The following TRAPPC8 variants were observed in gnomAD, a reference collection of about 807,000 sequenced individuals.
TRAPPC8 encodes trafficking protein particle complex subunit 8, also known as general sporulation gene 1 homolog.
Under a neutral mutation model 174.3 loss-of-function variants are expected in TRAPPC8, and 54 were observed. The ratio of observed to expected loss-of-function variants is 0.31; its 90% CI spans 0.25 to 0.39. The LOEUF is 0.39. Ranked by LOEUF, TRAPPC8 falls within the 10% of genes least tolerant of loss-of-function variation. TRAPPC8 has a pLI of 1.00. For missense variants in TRAPPC8, 1,531 were observed against 1,699.1 expected (o/e 0.90, Z 1.74); for synonymous variants, 630 against 579.9 (o/e 1.09, Z -1.24).
chr18:31,940,787 G>A (rs982439900), intron 1 of TRAPPC8, among the ~76,000 whole-genome samples: 2 of 152,026 alleles, frequency 1.3e-5, no homozygotes. Flanking sequence ...GTGAGCCACC[G>A]CGCCCGGCCG....
chr18:31,862,324 G>A (rs1165478307), intron 19 of TRAPPC8, among the ~76,000 whole-genome samples: 1 of 151,008 alleles, frequency 6.6e-6, no homozygotes, highest in African/African-American at 2.4e-5. Flanking sequence ...TTATAAAAGG[G>A]ACTTGGCTTG....
intron 26 of TRAPPC8, among the ~76,000 whole-genome samples, chr18:31,843,623 T>A (rs2033229565): frequency 6.6e-6 from 1 of 152,218 alleles, no homozygotes; most frequent in South Asian, 2.1e-4. Flanking sequence ...GGTTTCTTAA[T>A]GCAGTGGAAT....
At position 31,873,639 on chromosome 18, in the gene TRAPPC8, G is replaced by A. The variant is rs564313434; in HGVS notation, c.1954-101C>T. Reference sequence around the variant, plus strand: ...ACACAAGGCATTAAAAATATGTTAAGCAAGAATATTAAGATATGTAATTAC... The same window carrying A: ...ACACAAGGCATTAAAAATATGTTAAACAAGAATATTAAGATATGTAATTAC... On this transcript the variant is annotated intron_variant, in intron 13 of 28. Transcript: ENST00000283351. The A allele has an allele frequency of 7.7e-5, 58 of 751,614 alleles. No individual in the cohort carries two copies. The African/African-American group carries it at 9.7e-4, about 13-fold the overall frequency. The allele number at this position is 751,614 out of a possible 1,614,324, so 46.6% of individuals were successfully genotyped here.
chr18:31,854,583 T>A (rs1397673006), intron 21 of TRAPPC8, among the ~76,000 whole-genome samples: 1 of 152,042 alleles, frequency 6.6e-6, no homozygotes, highest in Non-Finnish European at 1.5e-5. Context: ...ATTACAGAAT[T>A]AAGTAACATT....
chr18:31,876,883 CCCT>C (rs1184343784), intron 12 of TRAPPC8, among the ~76,000 whole-genome samples: 1 of 152,202 alleles, frequency 6.6e-6, no homozygotes, highest in Non-Finnish European at 1.5e-5. Flanking sequence ...GGCATGCCCG[CCCT>C]CCTTTCAGGC....
intron 21 of TRAPPC8, among the ~76,000 whole-genome samples, chr18:31,854,942 G>T (rs1166719850): frequency 1.5e-5 from 2 of 134,202 alleles, no homozygotes. Flanking sequence ...CTCCAGTCTG[G>T]GCGACAGAGC....
intron 2 of TRAPPC8, 58 bp downstream of exon 2, chr18:31,931,271 G>A (rs187966671): frequency 1.5e-5 from 22 of 1,441,770 alleles, no homozygotes; most frequent in Admixed American, 9.7e-5. Flanking sequence ...TCATAGAATC[G>A]CTTTTTCTAA....
intron 11 of TRAPPC8, among the ~76,000 whole-genome samples, chr18:31,894,438 A>G (rs1252200495): frequency 1.3e-5 from 2 of 152,140 alleles, no homozygotes; most frequent in Non-Finnish European, 2.9e-5. Flanking sequence ...ATACTATCGA[A>G]TAACAAGTTT....
In TRAPPC8 at chr18:31,870,518, C is replaced by G; in HGVS notation, c.2258-16G>C. ...GTAATTGGTTCTATTAAAAAAAAGGCCTAAATTAATAACTTTAATAAACAT... is the reference window on the plus strand; with the variant it reads ...GTAATTGGTTCTATTAAAAAAAAGGGCTAAATTAATAACTTTAATAAACAT... On this transcript the variant is annotated splice_polypyrimidine_tract_variant and intron_variant, in intron 15 of 28. Transcript: ENST00000283351. The G allele has an allele frequency of 6.3e-7, 1 of 1,595,582 alleles. No individual in the cohort carries two copies. Among genetic ancestry groups the G allele is most frequent in the Non-Finnish European group, 8.5e-7 (1 of 1,173,724 alleles).
intron 12 of TRAPPC8, among the ~76,000 whole-genome samples, chr18:31,877,006 G>A (rs1026695161): frequency 2.6e-5 from 4 of 152,224 alleles, no homozygotes; most frequent in African/African-American, 7.2e-5. Context: ...ACATTAGCAA[G>A]TTTAGGAGAC....
At chr18:31,836,474 A>G (rs1292407976) in intron 27 of TRAPPC8, among the ~76,000 whole-genome samples, 5 of 152,214 alleles carry the variant, frequency 3.3e-5, no homozygotes, top group Non-Finnish European at 7.4e-5. Context: ...TTAACCACTA[A>G]GGTTAAAAAG....
intron 27 of TRAPPC8, among the ~76,000 whole-genome samples, chr18:31,835,909 T>C (rs372163552): frequency 1.0e-3 from 155 of 152,334 alleles, no homozygotes; most frequent in African/African-American, 3.5e-3. Flanking sequence ...CAGCTGCTCC[T>C]TTGGACTGGG....
intron 10 of TRAPPC8, among the ~76,000 whole-genome samples, chr18:31,900,551 C>G (rs1033205111): frequency 2.6e-5 from 4 of 152,156 alleles, no homozygotes; most frequent in Admixed American, 6.5e-5. Flanking sequence ...TGAGTTCTCA[C>G]TTTTATAGGG....
chr18:31,942,904 G>A lies in TRAPPC8; in HGVS notation c.-140C>T, dbSNP rs779549770. On this transcript the variant is annotated 5_prime_UTR_variant, in exon 1 of 29. Transcript: ENST00000283351. ...CGAACGCACTGGAGCCTAGAAACAA[G>A]AAGGAACAGACGCCGCCGCTTCGGT... 2 of 1,242,528 alleles carry A rather than the reference G, an allele frequency of 1.6e-6. No homozygotes were observed. Among genetic ancestry groups the A allele is most frequent in the Non-Finnish European group, 2.0e-6 (2 of 993,626 alleles). The allele number at this position is 1,242,528 out of a possible 1,614,324, so 77.0% of individuals were successfully genotyped here. A position where few individuals can be genotyped will look rare whatever the true frequency, so the allele number is the denominator to read the frequency against.
chr18:31,927,235 G>A (rs2037654845), intron 2 of TRAPPC8, among the ~76,000 whole-genome samples: 1 of 151,980 alleles, frequency 6.6e-6, no homozygotes, highest in African/African-American at 2.4e-5. Flanking sequence ...AGCCTCCTGA[G>A]TAGCTGGGAC....
chr18:31,906,750 T>A (rs1001449058), intron 9 of TRAPPC8, among the ~76,000 whole-genome samples: 1 of 152,236 alleles, frequency 6.6e-6, no homozygotes, highest in Non-Finnish European at 1.5e-5. Context: ...ATTACAAAAC[T>A]AACACAACTG....
intron 24 of TRAPPC8, among the ~76,000 whole-genome samples, chr18:31,850,025 T>G (rs1270777275): frequency 6.6e-6 from 1 of 151,948 alleles, no homozygotes; most frequent in Admixed American, 6.6e-5. Flanking sequence ...CAATCTCAGC[T>G]CACTGCAACC....
intron 11 of TRAPPC8, among the ~76,000 whole-genome samples, chr18:31,891,798 ACAT>A (rs945049874): frequency 6.6e-6 from 1 of 152,240 alleles, no homozygotes; most frequent in Non-Finnish European, 1.5e-5. Flanking sequence ...AATTATAGTT[ACAT>A]CAAAAGTGTT....
intron 9 of TRAPPC8, among the ~76,000 whole-genome samples, chr18:31,905,146 C>T (rs543024514): frequency 3.3e-5 from 5 of 152,182 alleles, no homozygotes; most frequent in African/African-American, 7.2e-5. Context: ...AAAAGGCATA[C>T]GATCTAGTCT....
Sources: gnomAD v4.1 joint callset for allele counts (sites outside exome capture counted in the v4.1 genomes callset) on GRCh38, gnomAD v4.1.1 for gene constraint, MANE v1.5 for transcripts, NCBI Gene and HGNC (gene_info 2026-07-23, HGNC 2026-07-21) for gene names.